The following KSR2 variants were observed in gnomAD, a reference collection of about 807,000 sequenced individuals.
The protein encoded by KSR2 is kinase suppressor of ras 2.
Under a neutral mutation model 107.8 loss-of-function variants are expected in KSR2, and 25 were observed. The ratio of observed to expected loss-of-function variants is 0.23; its 90% CI spans 0.17 to 0.32. The LOEUF is 0.32. Ranked by LOEUF, KSR2 falls within the 10% of genes least tolerant of loss-of-function variation. The pLI is 1.00. For missense variants in KSR2, 887 were observed against 1,268.9 expected, an observed-to-expected ratio of 0.70 and a Z score of 4.57; for synonymous variants, 480 against 507.0, an observed-to-expected ratio of 0.95 and a Z score of 0.71.
intron 4 of KSR2, among the ~76,000 whole-genome samples, chr12:117,740,336 ATG>A (rs1491565204): frequency 7.7e-5 from 10 of 130,118 alleles, no homozygotes; most frequent in Admixed American, 1.8e-4. Context: ...CATTATATAT[ATG>A]TTATATATAC....
chr12:117,855,722 C>A (rs1893082368), intron 2 of KSR2, 144 bp from the exon 3 acceptor site: 4 of 781,128 alleles, frequency 5.1e-6, no homozygotes, highest in Non-Finnish European at 8.4e-6. Context: ...TCGGGTTTGC[C>A]ACTCATTATC....
At chr12:117,731,635 A>G (rs958947891) in intron 4 of KSR2, among the ~76,000 whole-genome samples, 10 of 152,084 alleles carry the variant, frequency 6.6e-5, no homozygotes, top group Non-Finnish European at 1.5e-4. Context: ...TCAGACTGTT[A>G]CTGTGTCTGT....
intron 14 of KSR2, among the ~76,000 whole-genome samples, chr12:117,521,059 C>G (rs563504705): frequency 6.6e-6 from 1 of 152,328 alleles, no homozygotes; most frequent in African/African-American, 2.4e-5. Flanking sequence ...TCCCCTTCCT[C>G]CACCAGGCTT....
At chr12:117,875,863 C>A (rs1010146208) in intron 1 of KSR2, among the ~76,000 whole-genome samples, 4 of 152,102 alleles carry the variant, frequency 2.6e-5, no homozygotes, top group East Asian at 3.8e-4. Flanking sequence ...GCCTCCCCCC[C>A]ACCACCACCA....
intron 3 of KSR2, among the ~76,000 whole-genome samples, chr12:117,798,735 A>ATATATCTC (rs10667993): frequency 1.4e-5 from 2 of 142,498 alleles, no homozygotes; most frequent in Non-Finnish European, 1.5e-5. Flanking sequence ...ATATATATAT[A>ATATATCTC]TCAACCCAAA....
chr12:117,785,189 T>G (rs1393971378), intron 3 of KSR2, among the ~76,000 whole-genome samples: 1 of 151,954 alleles, frequency 6.6e-6, no homozygotes, highest in Non-Finnish European at 1.5e-5. Context: ...CCAAGGCAGG[T>G]GGATCACCTG....
intron 4 of KSR2, among the ~76,000 whole-genome samples, chr12:117,687,746 C>T (rs1213040915): frequency 6.6e-6 from 1 of 152,138 alleles, no homozygotes; most frequent in Non-Finnish European, 1.5e-5. Flanking sequence ...CCCTAACTCA[C>T]CAGGTGCCAA....
At chr12:117,489,907 C>T (rs1427644075) in intron 14 of KSR2, among the ~76,000 whole-genome samples, 1 of 152,200 alleles carries the variant, frequency 6.6e-6, no homozygotes, top group African/African-American at 2.4e-5. Context: ...CTTGGAATTC[C>T]TCATGACTAA....
chr12:117,806,111 C>T lies in KSR2; in HGVS notation c.473-44587G>A, dbSNP rs140783241. On this transcript the variant is annotated intron_variant, in intron 3 of 19. Transcript: ENST00000339824. The stretch of plus-strand genomic sequence containing the variant: ...TGTGAACATTAAGTGTGTGGAGCGC[C>T]GTTTTAAACAACGTCCGGCATTTCC... 6.2e-3 allele frequency among the ~76,000 whole-genome samples: 939 copies of T among 152,208 alleles called. 6 individuals are homozygous for T. Among genetic ancestry groups the T allele is most frequent in the Non-Finnish European group, 8.9e-3 (606 of 68,006 alleles).
intron 1 of KSR2, among the ~76,000 whole-genome samples, chr12:117,947,180 A>AAGAG (rs1164463028): frequency 2.3e-5 from 2 of 88,316 alleles, no homozygotes; most frequent in Non-Finnish European, 2.5e-5. Context: ...GAAAGAAAGA[A>AAGAG]AGAAAGAAAA....
chr12:117,531,572 C>A lies in KSR2; in HGVS notation c.1729+94G>T. ...CCACTACCCTCTTTGATCTTAGGCA[C>A]CCCCACAACATCTGCCTCCATTCAT... is the stretch of plus-strand genomic sequence containing the variant. On this transcript the variant is annotated intron_variant, in intron 11 of 19. Transcript: ENST00000339824. 3 of 1,056,868 alleles carry A rather than the reference C, an allele frequency of 2.8e-6. No homozygotes were observed. In the East Asian group the frequency reaches 7.5e-5, roughly 26 times the overall value. The allele number at this position is 1,056,868 out of a possible 1,614,324, so 65.5% of individuals were successfully genotyped here.
intron 6 of KSR2, among the ~76,000 whole-genome samples, chr12:117,581,861 GAT>G (rs1879683864): frequency 6.6e-6 from 1 of 152,052 alleles, no homozygotes; most frequent in Non-Finnish European, 1.5e-5. Flanking sequence ...TCTTCAGAAT[GAT>G]ACTGTTTATT....
chr12:117,732,190 A>G (rs1439532253), intron 4 of KSR2, among the ~76,000 whole-genome samples: 1 of 152,122 alleles, frequency 6.6e-6, no homozygotes, highest in Non-Finnish European at 1.5e-5. Flanking sequence ...TGCCTAATTC[A>G]GCTGATGGAC....
At chr12:117,531,150 T>C (rs1875605126) in intron 11 of KSR2, 137 bp from the exon 12 acceptor site, 1 of 719,898 alleles carries the variant, frequency 1.4e-6, no homozygotes, top group African/African-American at 1.8e-5. Flanking sequence ...TCCTTTCTCC[T>C]TTCCTGGACC....
At chr12:117,479,010 T>C (rs1871980893) in intron 16 of KSR2, among the ~76,000 whole-genome samples, 1 of 152,190 alleles carries the variant, frequency 6.6e-6, no homozygotes, top group Non-Finnish European at 1.5e-5. Flanking sequence ...GTAGAAACAC[T>C]GGGTGGAGGA....
At chr12:117,733,969 C>T (rs559529214) in intron 4 of KSR2, among the ~76,000 whole-genome samples, 5 of 152,112 alleles carry the variant, frequency 3.3e-5, no homozygotes, top group African/African-American at 9.6e-5. Flanking sequence ...TCAACTAACT[C>T]AGGCTATTGA....
At chr12:117,573,657 A>G (rs1879055000) in intron 7 of KSR2, among the ~76,000 whole-genome samples, 1 of 150,612 alleles carries the variant, frequency 6.6e-6, no homozygotes, top group East Asian at 2.0e-4. Context: ...CCTCCTGAGT[A>G]GCTGGGATTA....
rs575749615 is a variant in KSR2 at position 117,764,242 on chromosome 12, A to AT, written c.473-2719dup. On this transcript the variant is annotated intron_variant, in intron 3 of 19. Transcript: ENST00000339824. ...GAGCCTTCCAGATGGTTTGGGGCGG[A>AT]TTTTTTTTTTTTAAGGAAAAAAAAA... Among the ~76,000 whole-genome samples the AT allele has an allele frequency of 4.0e-3, 578 of 144,844 alleles. 3 individuals carry two copies. The highest frequency in any genetic ancestry group is 0.012 in the African/African-American group (460 of 39,802).
At chr12:117,621,086 AG>A in intron 5 of KSR2, among the ~76,000 whole-genome samples, 1 of 152,232 alleles carries the variant, frequency 6.6e-6, no homozygotes, top group Admixed American at 6.5e-5. Flanking sequence ...ACGTGTCAAG[AG>A]GGGAAAATTA....
Sources: allele counts gnomAD v4.1 joint callset (sites outside exome capture counted in the v4.1 genomes callset), GRCh38; gene constraint gnomAD v4.1.1; transcripts MANE v1.5; gene names NCBI Gene and HGNC (gene_info 2026-07-23, HGNC 2026-07-21).